The following OTOGL variants were observed in gnomAD, a reference collection of about 807,000 sequenced individuals.
The protein encoded by OTOGL is otogelin-like protein.
A neutral mutation model predicts 318.5 loss-of-function variants in OTOGL; 285 were observed. The observed-to-expected ratio is 0.89, with a 90% confidence interval of 0.81 to 0.99. OTOGL has a LOEUF of 0.99. Ranked by LOEUF, OTOGL falls within the 50% of genes least tolerant of loss-of-function variation. The pLI is 0.00. For missense variants in OTOGL, 2,899 were observed against 2,845.6 expected, an observed-to-expected ratio of 1.02 and a Z score of -0.43; for synonymous variants, 987 against 936.5, an observed-to-expected ratio of 1.05 and a Z score of -0.99.
chr12:80,218,898 G>A (rs554372276), intron 5 of OTOGL, among the ~76,000 whole-genome samples: 10 of 148,204 alleles, frequency 6.7e-5, no homozygotes, highest in Non-Finnish European at 1.2e-4. Context: ...GGATTCAAGC[G>A]ATTCTCCTGC....
In OTOGL at chr12:80,303,412, C is replaced by T. The variant is rs182195801; in HGVS notation, c.3213+629C>T. ...CCTCATGATCCACCCGCCTCGGCCT[C>T]CCAAAGTGCTGGGATTACAGGCGTG... On this transcript the variant is annotated intron_variant, in intron 28 of 58. Transcript: ENST00000547103. Among the ~76,000 whole-genome samples the T allele has an allele frequency of 5.5e-3, 835 of 152,294 alleles. 3 individuals carry two copies. Among genetic ancestry groups the T allele is most frequent in the Non-Finnish European group, 9.1e-3 (618 of 68,024 alleles).
intron 1 of OTOGL, among the ~76,000 whole-genome samples, chr12:80,122,645 G>A (rs1870554173): frequency 2.0e-5 from 3 of 152,166 alleles, no homozygotes; most frequent in Admixed American, 2.0e-4. Context: ...AAGAAATGAG[G>A]CACATTTCTC....
At chr12:80,327,666 G>GA (rs1887764631) in intron 35 of OTOGL, among the ~76,000 whole-genome samples, 1 of 151,428 alleles carries the variant, frequency 6.6e-6, no homozygotes, top group Admixed American at 6.6e-5. Context: ...GGGAGTATAA[G>GA]AGTGGAAAGC....
chr12:80,166,129 G>A (rs1420768590), intron 1 of OTOGL, among the ~76,000 whole-genome samples: 1 of 151,722 alleles, frequency 6.6e-6, no homozygotes, highest in African/African-American at 2.4e-5. Context: ...TCTTCTCTGA[G>A]ATATTAAAGA....
At chr12:80,101,464 A>G (rs761990870) in intron 1 of OTOGL, among the ~76,000 whole-genome samples, 70 of 152,200 alleles carry the variant, frequency 4.6e-4, no homozygotes, top group Non-Finnish European at 9.0e-4. Flanking sequence ...TGGAAGGTTG[A>G]GTGGAGACTG....
At chr12:80,154,302 C>G (rs1337749432) in intron 1 of OTOGL, among the ~76,000 whole-genome samples, 1 of 151,664 alleles carries the variant, frequency 6.6e-6, no homozygotes, top group East Asian at 1.9e-4. Flanking sequence ...GAGCAAGACT[C>G]AGTTAAAAAG....
intron 1 of OTOGL, among the ~76,000 whole-genome samples, chr12:80,175,266 T>C (rs1433832124): frequency 6.6e-6 from 1 of 152,192 alleles, no homozygotes; most frequent in East Asian, 1.9e-4. Flanking sequence ...ATCCCTATCA[T>C]CAAAGAGTTC....
intron 15 of OTOGL, among the ~76,000 whole-genome samples, 198 bp from the exon 16 acceptor site, chr12:80,254,840 AAT>A (rs1881887218): frequency 1.3e-5 from 2 of 152,002 alleles, no homozygotes; most frequent in South Asian, 4.1e-4. Flanking sequence ...TAAATGGGAT[AAT>A]ATAATTTAGT....
At chr12:80,280,216 T>C (rs1243820261) in intron 26 of OTOGL, among the ~76,000 whole-genome samples, 4 of 151,710 alleles carry the variant, frequency 2.6e-5, no homozygotes, top group African/African-American at 9.7e-5. Flanking sequence ...GGGTGCATAA[T>C]TTGCAAATAT....
intron 15 of OTOGL, among the ~76,000 whole-genome samples, chr12:80,254,790 TA>T (rs974605167): frequency 6.6e-6 from 1 of 151,946 alleles, no homozygotes; most frequent in African/African-American, 2.4e-5. Context: ...TTATAAAACC[TA>T]AAAAATGTGG....
Position 80,320,705 on chromosome 12 carries a change from G to A in OTOGL, c.4081+5G>A, listed in dbSNP as rs1335313446. The A allele has an allele frequency of 1.3e-6, 2 of 1,585,948 alleles. No homozygotes were observed. Among genetic ancestry groups the A allele is most frequent in the Non-Finnish European group, 1.7e-6 (2 of 1,166,344 alleles). On this transcript the variant is annotated splice_donor_5th_base_variant and intron_variant, in intron 34 of 58. Coordinates refer to ENST00000547103, the MANE Select transcript of OTOGL (RefSeq NM_001378609.3). Reference sequence around the variant, plus strand: ...CAAGTAGCTTCAGCATAGAAGGTATGTTTCCTGAGATCTCCAAAAAGAGAA... The same window carrying A: ...CAAGTAGCTTCAGCATAGAAGGTATATTTCCTGAGATCTCCAAAAAGAGAA...
Position 80,370,551 on chromosome 12 carries a change from C to T in OTOGL, c.6616-19C>T, listed in dbSNP as rs144322810. 392 of 1,478,278 alleles carry T rather than the reference C, an allele frequency of 2.7e-4. 3 individuals are homozygous for T. In the East Asian group the frequency reaches 9.4e-3, roughly 35 times the overall value. The allele number at this position is 1,478,278 out of a possible 1,614,324, so 91.6% of individuals were successfully genotyped here. On this transcript the variant is annotated intron_variant, in intron 55 of 58. Transcript: ENST00000547103. ...CAGATTTTAATATGCTAAATAGTAA[C>T]TTTCTTTTTGATTTTTAGGTAGGGA...
chr12:80,167,330 A>G (rs917985271), intron 1 of OTOGL, among the ~76,000 whole-genome samples: 6 of 152,272 alleles, frequency 3.9e-5, no homozygotes, highest in Admixed American at 6.5e-5. Context: ...ATAGGCTAAA[A>G]ATTTTGGTTT....
In OTOGL at chr12:80,358,705, C is replaced by G; in HGVS notation, c.6156C>G (p.Leu2052=). The G allele has an allele frequency of 6.2e-7, 1 of 1,613,108 alleles. No individual in the cohort carries two copies. Among genetic ancestry groups the G allele is most frequent in the Non-Finnish European group, 8.5e-7 (1 of 1,179,384 alleles). ...CAAACCTTTGTCCTATGCCATTACT[C>G]AACTGTGCAGAAGATATGAATCTTG... is the stretch of plus-strand genomic sequence containing the variant. ...CEPNLCPMPL[L]NCAEDMNLVK... is the part of the protein sequence containing the mutation. The change falls in exon 51 of 59, where the codon CTC becomes CTG. Residue 2052 remains leucine, a synonymous_variant. Coordinates refer to ENST00000547103, the MANE Select transcript of OTOGL (RefSeq NM_001378609.3).
chr12:80,267,419 T>C (rs1038348670), intron 22 of OTOGL, 92 bp downstream of exon 22: 30 of 566,832 alleles, frequency 5.3e-5, no homozygotes, highest in Non-Finnish European at 6.8e-5. Context: ...TTTTTTATTA[T>C]ACTTTAAGTT....
intron 29 of OTOGL, among the ~76,000 whole-genome samples, chr12:80,308,166 C>A (rs1169251585): frequency 6.7e-6 from 1 of 150,228 alleles, no homozygotes; most frequent in East Asian, 2.0e-4. Flanking sequence ...ACCTCCCTCC[C>A]GGACGAGGTG....
At chr12:80,212,483 G>A (rs1877341925) in intron 4 of OTOGL, among the ~76,000 whole-genome samples, 1 of 152,154 alleles carries the variant, frequency 6.6e-6, no homozygotes, top group African/African-American at 2.4e-5. Context: ...CTCTGAATAG[G>A]TAACTTTTTT....
rs958658506 is a variant in OTOGL, at chr12:80,379,698, T to G, written c.*1650T>G. ...GTATATTATCTATTGCCCATTTTTA[T>G]TTCCATTTTCTGTAAAATATTCATT... On this transcript the variant is annotated 3_prime_UTR_variant, in exon 59 of 59. Coordinates refer to ENST00000547103, the MANE Select transcript of OTOGL (RefSeq NM_001378609.3). The G allele has an allele frequency of 7.9e-5, 12 of 152,036 alleles. No homozygotes were observed. The highest frequency in any genetic ancestry group is 2.9e-4 in the African/African-American group (12 of 41,446). 9.4% of individuals were successfully genotyped at this position (152,036 alleles called of 1,614,324 possible).
Position 80,287,330 on chromosome 12 carries a change from T to C in OTOGL, c.2928+8164T>C, listed in dbSNP as rs373680750. Among the ~76,000 whole-genome samples the C allele has an allele frequency of 1.9e-4, 29 of 151,734 alleles. 2 individuals carry two copies. The highest frequency in any genetic ancestry group is 7.1e-4 in the African/African-American group (29 of 40,994). ...TTTTACTTCCAATTACGTGGTCAAT[T>C]TTAGAATAAGTGTGATGTGGTGCTA... On this transcript the variant is annotated intron_variant, in intron 26 of 58. Transcript: ENST00000547103.
Sources: allele counts gnomAD v4.1 joint callset (sites outside exome capture counted in the v4.1 genomes callset), GRCh38; gene constraint gnomAD v4.1.1; transcripts MANE v1.5; gene names NCBI Gene and HGNC (gene_info 2026-07-23, HGNC 2026-07-21).